CALD1: variants seen among roughly 807,000 people sequenced by gnomAD.
The protein encoded by CALD1 is caldesmon.
CALD1 carries 33 observed loss-of-function variants against 99.9 expected under a neutral mutation model. That is an observed-to-expected ratio of 0.33 (90% CI 0.25 to 0.44). The LOEUF is 0.44. Among genes scored for constraint, CALD1 ranks in the 20% least tolerant of loss-of-function variants. CALD1 has a pLI of 1.00. For missense variants in CALD1, 861 were observed against 962.1 expected (o/e 0.89, Z 1.39); for synonymous variants, 310 against 325.0 (o/e 0.95, Z 0.50).
intron 4 of CALD1, 103 bp from the exon 5 acceptor site, chr7:134,932,885 C>A: frequency 2.8e-6 from 2 of 722,244 alleles, no homozygotes; most frequent in South Asian, 2.0e-5. Context: ...GCAAGCTTGG[C>A]ACTACTGGCA....
chr7:134,801,335 A>T (rs192207396), intron 1 of CALD1, among the ~76,000 whole-genome samples: 2,574 of 152,076 alleles, frequency 0.017, 33 homozygotes, highest in Non-Finnish European at 0.027. Flanking sequence ...ATTTTTTTTT[A>T]AAACAGCCAA....
intron 1 of CALD1, among the ~76,000 whole-genome samples, chr7:134,816,128 C>T (rs576927182): frequency 2.6e-5 from 4 of 152,238 alleles, no homozygotes; most frequent in African/African-American, 9.6e-5. Flanking sequence ...TCATCTCCAG[C>T]TTTAAAATTT....
At chr7:134,790,081 A>AGG (rs1491113378) in intron 1 of CALD1, among the ~76,000 whole-genome samples, 3 of 124,640 alleles carry the variant, frequency 2.4e-5, no homozygotes, top group Non-Finnish European at 5.1e-5. Context: ...AAAAGAAATA[A>AGG]GGAGAGAGAG....
At chr7:134,739,501 G>C (rs903475756), upstream of CALD1, among the ~76,000 whole-genome samples, 2 of 151,992 alleles carry the variant, frequency 1.3e-5, no homozygotes, top group Non-Finnish European at 2.9e-5. Flanking sequence ...GGTTTTGCTG[G>C]GCATATACAT....
chr7:134,895,592 C>T (rs1260323679), intron 3 of CALD1, among the ~76,000 whole-genome samples: 13 of 152,016 alleles, frequency 8.6e-5, no homozygotes, highest in African/African-American at 1.5e-4. Flanking sequence ...GTCATGGTCC[C>T]GCTCCCTGTT....
intron 13 of CALD1, among the ~76,000 whole-genome samples, chr7:134,963,696 C>G (rs1468306003): frequency 6.6e-6 from 1 of 152,184 alleles, no homozygotes; most frequent in Admixed American, 6.5e-5. Flanking sequence ...AGACTCTAAG[C>G]TGTATAACTG....
intron 3 of CALD1, among the ~76,000 whole-genome samples, chr7:134,888,075 T>C (rs1370348611): frequency 6.6e-6 from 1 of 152,210 alleles, no homozygotes; most frequent in Non-Finnish European, 1.5e-5. Flanking sequence ...TAAAAAATCA[T>C]ATTTTCTTAA....
At chr7:134,877,421 T>C (rs927501653) in intron 3 of CALD1, among the ~76,000 whole-genome samples, 1 of 152,214 alleles carries the variant, frequency 6.6e-6, no homozygotes, top group African/African-American at 2.4e-5. Context: ...CCTACTTGTT[T>C]GAAATCAAGA....
chr7:134,958,083 A>G lies in CALD1; in HGVS notation c.1950A>G (p.Ala650=). 1.2e-6 allele frequency: 2 copies of G among 1,608,208 alleles called. No individual in the cohort carries two copies. The highest frequency in any genetic ancestry group is 1.7e-6 in the Non-Finnish European group (2 of 1,176,172). The change falls in exon 10 of 15, where the codon GCA becomes GCG. Residue 650 remains alanine, a synonymous_variant. Transcript: ENST00000361675. ...KGSSLKIEER[A]EFLNKSVQKS... ...GTAATTCCTAGATAGAAGAGCGAGC[A>G]GAATTTTTGAATAAGTCTGTGCAGA...
intron 1 of CALD1, among the ~76,000 whole-genome samples, chr7:134,752,607 C>G (rs529130866): frequency 1.5e-4 from 23 of 152,288 alleles, no homozygotes; most frequent in Non-Finnish European, 3.2e-4. Context: ...TGCATAACCA[C>G]AGCCGAGTAA....
chr7:134,801,078 T>C (rs1404983600), intron 1 of CALD1, among the ~76,000 whole-genome samples: 1 of 152,122 alleles, frequency 6.6e-6, no homozygotes. Context: ...TTGTATTTCT[T>C]CTTTCCCATG....
intron 1 of CALD1, among the ~76,000 whole-genome samples, chr7:134,768,885 T>C (rs1796853473): frequency 6.6e-6 from 1 of 152,108 alleles, no homozygotes; most frequent in Non-Finnish European, 1.5e-5. Context: ...AAATTTGATG[T>C]GGTTCTAGTC....
chr7:134,758,262 T>C (rs1374773150), intron 1 of CALD1, among the ~76,000 whole-genome samples: 1 of 152,226 alleles, frequency 6.6e-6, no homozygotes, highest in Non-Finnish European at 1.5e-5. Flanking sequence ...CTTTAGGGAC[T>C]TTCTTGTTGA....
chr7:134,814,469 G>C (rs1483343176), intron 1 of CALD1, among the ~76,000 whole-genome samples: 1 of 152,158 alleles, frequency 6.6e-6, no homozygotes, highest in Non-Finnish European at 1.5e-5. Flanking sequence ...GGTCTCTCAT[G>C]AAGAGTGTAG....
At chr7:134,821,653 G>T (rs1798787596) in intron 1 of CALD1, among the ~76,000 whole-genome samples, 1 of 111,140 alleles carries the variant, frequency 9.0e-6, no homozygotes, top group Non-Finnish European at 1.9e-5. Flanking sequence ...CACAATCTTG[G>T]CTCACTGCAA....
rs746171615 is a variant in CALD1, at chr7:134,958,234, G to C, written c.2005G>C (p.Ala669Pro). Residue 669 changes from alanine (A) to proline (P), a missense_variant, in exon 11 of 15, where the codon GCA becomes CCA. Coordinates refer to ENST00000361675, the MANE Select transcript of CALD1 (RefSeq NM_033138.4). ...KSSGVKSTHQ[A>P]AIVSKIDSRL... is the part of the protein sequence containing the mutation. Reference sequence around the variant, plus strand: ...CAGTGGTGTCAAATCGACCCATCAAGCAGCAATAGTCTCCAAGATTGACAG... The same window carrying C: ...CAGTGGTGTCAAATCGACCCATCAACCAGCAATAGTCTCCAAGATTGACAG... The C allele has an allele frequency of 1.9e-6, 3 of 1,613,822 alleles. No homozygotes were observed. The highest frequency in any genetic ancestry group is 2.5e-6 in the Non-Finnish European group (3 of 1,179,976).
intron 1 of CALD1, among the ~76,000 whole-genome samples, chr7:134,757,120 C>T (rs553341332): frequency 6.0e-5 from 9 of 149,696 alleles, no homozygotes; most frequent in African/African-American, 2.2e-4. Context: ...TTTTTTAAGC[C>T]TGAGACACTT....
chr7:134,846,999 T>G (rs763179886), intron 2 of CALD1, among the ~76,000 whole-genome samples: 26 of 152,236 alleles, frequency 1.7e-4, no homozygotes, highest in Non-Finnish European at 2.9e-4. Flanking sequence ...CAATGAATGA[T>G]GGCCAGTGGC....
chr7:134,902,341 T>C (rs1363262580), intron 3 of CALD1, among the ~76,000 whole-genome samples: 1 of 152,122 alleles, frequency 6.6e-6, no homozygotes, highest in Admixed American at 6.5e-5. Context: ...GTTCATACCA[T>C]GGAGAATATT....
Sources: allele counts gnomAD v4.1 joint callset (sites outside exome capture counted in the v4.1 genomes callset), GRCh38; gene constraint gnomAD v4.1.1; transcripts MANE v1.5; gene names NCBI Gene and HGNC (gene_info 2026-07-23, HGNC 2026-07-21).